Variants in C2orf80 observed in about 807,000 individuals in gnomAD.
C2orf80 encodes uncharacterized protein C2orf80.
Under a neutral mutation model 30.2 loss-of-function variants are expected in C2orf80, and 28 were observed. The ratio of observed to expected loss-of-function variants is 0.93; its 90% CI spans 0.69 to 1.27. The LOEUF is 1.27. Among genes scored for constraint, C2orf80 ranks in the 50% most tolerant of loss-of-function variants. The probability of loss-of-function intolerance (pLI) is 0.00; values close to 1 mark genes in which losing one functional copy is unlikely to be tolerated. For missense variants in C2orf80, 220 were observed against 231.0 expected (o/e 0.95, Z 0.31); for synonymous variants, 80 against 76.4 (o/e 1.05, Z -0.24).
At chr2:208,186,885 T>C in intron 2 of C2orf80, 61 bp downstream of exon 2, 5 of 1,439,454 alleles carry the variant, frequency 3.5e-6, no homozygotes, top group Non-Finnish European at 4.9e-6. Context: ...AAGCCATCTA[T>C]GACATGAAAT....
At chr2:208,179,898 C>A (rs1285364758) in intron 6 of C2orf80, among the ~76,000 whole-genome samples, 2 of 152,058 alleles carry the variant, frequency 1.3e-5, no homozygotes, top group Non-Finnish European at 2.9e-5. Context: ...AGTCCAGCTA[C>A]TTAGGAGGCT....
chr2:208,173,118 C>T (rs1344417490), intron 6 of C2orf80, among the ~76,000 whole-genome samples: 3 of 23,978 alleles, frequency 1.3e-4, no homozygotes, highest in African/African-American at 1.7e-4. Flanking sequence ...AAAACCTCAT[C>T]TCAAAAAAAA....
chr2:208,180,526 G>A (rs929221687), intron 6 of C2orf80, among the ~76,000 whole-genome samples: 8 of 151,630 alleles, frequency 5.3e-5, no homozygotes, highest in South Asian at 2.1e-4. Context: ...CTTCTCAGCC[G>A]TACACAAGAT....
chr2:208,171,079 G>A lies in C2orf80; in HGVS notation c.455-16C>T. The A allele has an allele frequency of 6.4e-7, 1 of 1,554,902 alleles. No individual in the cohort carries two copies. Among genetic ancestry groups the A allele is most frequent in the Non-Finnish European group, 8.9e-7 (1 of 1,126,116 alleles). ...GACTTGACACCTACAGACAGATGCA[G>A]TAACCATATCTGTATATAAAACTTT... On this transcript the variant is annotated splice_polypyrimidine_tract_variant and intron_variant, in intron 7 of 8. Transcript: ENST00000341287.
intron 6 of C2orf80, among the ~76,000 whole-genome samples, chr2:208,175,213 G>A (rs1183496006): frequency 0.015 from 1 of 66 alleles, no homozygotes; most frequent in African/African-American, 0.031. Context: ...TTGAACCCCG[G>A]GGGGGGGGGG....
At chr2:208,169,511 G>C (rs1283165254) in intron 8 of C2orf80, among the ~76,000 whole-genome samples, 2 of 151,892 alleles carry the variant, frequency 1.3e-5, no homozygotes, top group East Asian at 3.9e-4. Flanking sequence ...GCAGGAGTTT[G>C]AGACCAGCCT....
chr2:208,172,841 G>T (rs1696145899), intron 6 of C2orf80, among the ~76,000 whole-genome samples: 1 of 152,188 alleles, frequency 6.6e-6, no homozygotes, highest in Non-Finnish European at 1.5e-5. Flanking sequence ...ACTTGGCCAG[G>T]CGCAGTGGGT....
chr2:208,177,729 A>G (rs1009700986), intron 6 of C2orf80, among the ~76,000 whole-genome samples: 1 of 152,140 alleles, frequency 6.6e-6, no homozygotes, highest in African/African-American at 2.4e-5. Flanking sequence ...TAATGAATAA[A>G]TGAGTGATCA....
chr2:208,188,948 A>G (rs1696799397), intron 1 of C2orf80, among the ~76,000 whole-genome samples: 3 of 152,152 alleles, frequency 2.0e-5, no homozygotes, highest in Admixed American at 6.5e-5. Flanking sequence ...TGCCTAGAGA[A>G]GAGAGAGCAC....
At chr2:208,186,133 C>A (rs1391213653) in intron 2 of C2orf80, among the ~76,000 whole-genome samples, 1 of 152,102 alleles carries the variant, frequency 6.6e-6, no homozygotes, top group African/African-American at 2.4e-5. Context: ...TGTGCATACA[C>A]ATATATGTGT....
Position 208,171,999 on chromosome 2 carries a change from G to A in C2orf80, c.443C>T (p.Ala148Val), listed in dbSNP as rs749451225. The change falls in exon 7 of 9, where the codon GCC (alanine) becomes GTC (valine). Residue 148 changes from alanine to valine, a missense_variant. Ala to Val is a moderately conservative substitution (Grantham distance 64). Coordinates refer to ENST00000341287, the MANE Select transcript of C2orf80 (RefSeq NM_001099334.3). ...GTAACCAGGCTTACTCTGTTTGCGGGCGTATGCTGCTGCTTTGGGTGCTGT... is the reference window on the plus strand; with the variant it reads ...GTAACCAGGCTTACTCTGTTTGCGGACGTATGCTGCTGCTTTGGGTGCTGT... ...MLTAPKAAAY[A>V]RKQSVKSRKV... 2 of 1,613,656 alleles carry A rather than the reference G, an allele frequency of 1.2e-6. No homozygotes were observed. The highest frequency in any genetic ancestry group is 3.3e-5 in the Admixed American group (2 of 60,012).
Position 208,183,000 on chromosome 2 carries a change from G to A in C2orf80, c.171C>T (p.Pro57=). Residue 57 remains proline (P), a synonymous_variant, in exon 4 of 9, where the codon CCC becomes CCT. Transcript: ENST00000341287. ...ACTCCAGCCAAGTTAAGTCTTCTGA[G>A]GGATCCAGCCATTGCAAAGCAACAC... The part of the protein sequence containing the change: ...AISVALQWLD[P]SEDLTWLEWE... 1.2e-6 allele frequency: 2 copies of A among 1,614,046 alleles called. No individual in the cohort carries two copies. The highest frequency in any genetic ancestry group is 1.1e-5 in the South Asian group (1 of 91,080).
In C2orf80 at chr2:208,165,778, A is replaced by T. The variant is rs780727586; in HGVS notation, c.*29T>A. On this transcript the variant is annotated 3_prime_UTR_variant, in exon 9 of 9. Transcript: ENST00000341287. Reference sequence around the variant, plus strand: ...CTCGTCTGCTCCCAGAGAATCTATTATGAAGTTCCATGGTACAATTCCAAT... The same window carrying T: ...CTCGTCTGCTCCCAGAGAATCTATTTTGAAGTTCCATGGTACAATTCCAAT... The T allele has an allele frequency of 9.3e-6, 15 of 1,612,448 alleles. No individual in the cohort carries two copies. The highest frequency in any genetic ancestry group is 1.3e-5 in the Non-Finnish European group (15 of 1,179,618).
At chr2:208,179,183 A>G (rs1035562174) in intron 6 of C2orf80, among the ~76,000 whole-genome samples, 4 of 152,228 alleles carry the variant, frequency 2.6e-5, no homozygotes, top group African/African-American at 4.8e-5. Flanking sequence ...AAGTGAGTTG[A>G]AACTAGAGGG....
intron 6 of C2orf80, among the ~76,000 whole-genome samples, chr2:208,176,257 C>T (rs929714965): frequency 3.3e-5 from 5 of 152,156 alleles, no homozygotes; most frequent in African/African-American, 1.2e-4. Flanking sequence ...CTCACTGCCA[C>T]CTCTGCCTCC....
At chr2:208,179,079 G>A (rs1696466155) in intron 6 of C2orf80, among the ~76,000 whole-genome samples, 1 of 152,086 alleles carries the variant, frequency 6.6e-6, no homozygotes, top group South Asian at 2.1e-4. Flanking sequence ...TTTTTAAAAA[G>A]TTATCTTGTC....
intron 8 of C2orf80, among the ~76,000 whole-genome samples, chr2:208,167,520 T>A (rs1695936481): frequency 6.6e-6 from 1 of 151,366 alleles, no homozygotes; most frequent in Non-Finnish European, 1.5e-5. Flanking sequence ...AGACTCTGTC[T>A]CAAAAAAAAC....
rs965891460 is a variant in C2orf80, at chr2:208,183,116, A to G, written c.124-69T>C. ...TTGGCCGAAGTACTCCCTGGACCCA[A>G]TGACAATGGGACTGCTAAGCCTATT... is the stretch of plus-strand genomic sequence containing the variant. On this transcript the variant is annotated intron_variant, in intron 3 of 8. Transcript: ENST00000341287. 7.3e-6 allele frequency: 9 copies of G among 1,227,622 alleles called. No individual in the cohort carries two copies. In the Middle Eastern group the frequency reaches 5.7e-4, roughly 77 times the overall value. 76.0% of individuals were successfully genotyped at this position (1,227,622 alleles called of 1,614,324 possible). A position where few individuals can be genotyped will look rare whatever the true frequency, so the allele number is the denominator to read the frequency against.
chr2:208,179,967 C>T (rs1220698487), intron 6 of C2orf80, among the ~76,000 whole-genome samples: 3 of 151,968 alleles, frequency 2.0e-5, no homozygotes, highest in South Asian at 2.1e-4. Flanking sequence ...CAGTGAGACC[C>T]GTCTTTAAAA....
Sources: allele counts gnomAD v4.1 joint callset (sites outside exome capture counted in the v4.1 genomes callset), GRCh38; gene constraint gnomAD v4.1.1; transcripts MANE v1.5; gene names NCBI Gene and HGNC (gene_info 2026-07-23, HGNC 2026-07-21).